DAB1: variants seen among roughly 807,000 people sequenced by gnomAD.
The protein encoded by DAB1 is disabled homolog 1.
In DAB1, 15 loss-of-function variants were observed where a neutral mutation model predicts 64.6. That is an observed-to-expected ratio of 0.23 (90% CI 0.16 to 0.36). The LOEUF is 0.36. DAB1 is among the 10% of genes least tolerant of loss of function. The pLI is 1.00. For synonymous variants in DAB1, 235 were observed against 251.9 expected, an observed-to-expected ratio of 0.93 and a Z score of 0.64; for missense variants, 596 against 706.7, an observed-to-expected ratio of 0.84 and a Z score of 1.78.
intron 3 of DAB1, chr1:58,468,462 T>C (rs964463378): frequency 6.6e-6 from 1 of 152,228 alleles, no homozygotes; most frequent in African/African-American, 2.4e-5. Context: ...ATAGAATTGA[T>C]CTGTTTCCCA....
chr1:57,936,280 T>A (rs1213809876), intron 5 of DAB1, among the ~76,000 whole-genome samples: 2 of 152,266 alleles, frequency 1.3e-5, no homozygotes, highest in East Asian at 3.8e-4. Flanking sequence ...GGCTATTTAC[T>A]GAGTTGATCC....
upstream of DAB1, among the ~76,000 whole-genome samples, chr1:57,888,934 C>T (rs1569926582): frequency 6.6e-6 from 1 of 152,178 alleles, no homozygotes; most frequent in Admixed American, 6.5e-5. Flanking sequence ...TAGCCCTGTT[C>T]CTAGGTGCCC....
chr1:57,589,364 C>T (rs1347835476), intron 7 of DAB1, among the ~76,000 whole-genome samples: 1 of 151,970 alleles, frequency 6.6e-6, no homozygotes, highest in African/African-American at 2.4e-5. Context: ...ATCAACTATA[C>T]TTTGGAAAGA....
chr1:58,139,273 C>T (rs779457081), intron 5 of DAB1, among the ~76,000 whole-genome samples: 4 of 152,086 alleles, frequency 2.6e-5, no homozygotes, highest in Non-Finnish European at 5.9e-5. Context: ...ATTGGTTCTG[C>T]CACCCATGAT....
At chr1:57,636,011 G>T (rs1214050547) in intron 7 of DAB1, among the ~76,000 whole-genome samples, 3 of 150,970 alleles carry the variant, frequency 2.0e-5, no homozygotes, top group African/African-American at 7.3e-5. Context: ...GCAGGAGAAT[G>T]GCGTGAACCT....
At chr1:57,583,533 C>T (rs1267762503) in intron 7 of DAB1, among the ~76,000 whole-genome samples, 1 of 152,138 alleles carries the variant, frequency 6.6e-6, no homozygotes, top group Non-Finnish European at 1.5e-5. Flanking sequence ...GATCCGCCTG[C>T]CTCAGCCTCC....
chr1:57,077,704 A>T (rs991464143), intron 4 of DAB1, among the ~76,000 whole-genome samples: 7 of 152,192 alleles, frequency 4.6e-5, no homozygotes, highest in Non-Finnish European at 8.8e-5. Flanking sequence ...GAGAAGACTT[A>T]ATTTGTAGTA....
chr1:57,663,353 G>A (rs116053516), intron 6 of DAB1, among the ~76,000 whole-genome samples: 156 of 152,244 alleles, frequency 1.0e-3, no homozygotes, highest in African/African-American at 3.6e-3. Context: ...AGATTTTGGC[G>A]GGGACACAAA....
At chr1:57,124,443 T>C (rs1226822529) in intron 4 of DAB1, among the ~76,000 whole-genome samples, 1 of 152,174 alleles carries the variant, frequency 6.6e-6, no homozygotes, top group Non-Finnish European at 1.5e-5. Context: ...GAAGATGAAC[T>C]ATCTTCTCCT....
chr1:58,076,432 C>T (rs111633749), intron 5 of DAB1, among the ~76,000 whole-genome samples: 6 of 152,102 alleles, frequency 3.9e-5, no homozygotes, highest in East Asian at 1.9e-4. Context: ...TTGTTTCTCC[C>T]GGCCAACTCT....
chr1:57,277,323 CTG>C (rs1446426863), intron 2 of DAB1, among the ~76,000 whole-genome samples: 9 of 152,292 alleles, frequency 5.9e-5, no homozygotes, highest in African/African-American at 1.9e-4. Flanking sequence ...TGAAAATAAA[CTG>C]AGAGTAATAT....
chr1:57,698,452 T>C (rs10889065), intron 6 of DAB1, among the ~76,000 whole-genome samples: 51,356 of 152,004 alleles, frequency 0.34, 8,789 homozygotes, highest in East Asian at 0.47. Flanking sequence ...TAATGCTTTC[T>C]GCTCCTTGTG....
intron 7 of DAB1, among the ~76,000 whole-genome samples, chr1:57,536,550 G>T (rs866141019): frequency 4.3e-4 from 66 of 152,124 alleles, no homozygotes; most frequent in African/African-American, 1.5e-3. Flanking sequence ...ACCTGCCTGA[G>T]GCAGTATCTC....
chr1:57,148,342 G>A (rs754715772), intron 2 of DAB1, among the ~76,000 whole-genome samples: 1 of 152,088 alleles, frequency 6.6e-6, no homozygotes, highest in Non-Finnish European at 1.5e-5. Flanking sequence ...TAGGACCTAG[G>A]GCCAAGCTAA....
At chr1:57,965,529 C>A (rs192997622) in intron 5 of DAB1, among the ~76,000 whole-genome samples, 6 of 152,138 alleles carry the variant, frequency 3.9e-5, no homozygotes, top group Admixed American at 3.9e-4. Flanking sequence ...TTTTGGTATG[C>A]AATAAGCTTT....
chr1:57,633,236 C>T (rs1396538630), intron 7 of DAB1, among the ~76,000 whole-genome samples: 1 of 152,130 alleles, frequency 6.6e-6, no homozygotes, highest in African/African-American at 2.4e-5. Context: ...AGGAGGGGGC[C>T]GAGATGACAC....
At chr1:57,674,914 C>G (rs1195641404) in intron 6 of DAB1, among the ~76,000 whole-genome samples, 1 of 152,198 alleles carries the variant, frequency 6.6e-6, no homozygotes, top group Admixed American at 6.5e-5. Context: ...ATTGGCTTCA[C>G]TACATTTTCC....
intron 4 of DAB1, among the ~76,000 whole-genome samples, chr1:57,133,535 A>G (rs1415149555): frequency 1.3e-5 from 2 of 152,204 alleles, no homozygotes; most frequent in African/African-American, 4.8e-5. Context: ...TAAATGTATG[A>G]ACAGCTTTCA....
At chr1:58,308,869 C>A (rs571387867) in intron 4 of DAB1, among the ~76,000 whole-genome samples, 1 of 152,264 alleles carries the variant, frequency 6.6e-6, no homozygotes, top group African/African-American at 2.4e-5. Flanking sequence ...TCCCCATATT[C>A]CAAGGTCTAC....
Sources: allele counts gnomAD v4.1 joint callset (sites outside exome capture counted in the v4.1 genomes callset), GRCh38; gene constraint gnomAD v4.1.1; transcripts MANE v1.5; gene names NCBI Gene and HGNC (gene_info 2026-07-23, HGNC 2026-07-21).